Variants in SLC35F3 observed in about 807,000 individuals in gnomAD.
SLC35F3 encodes the protein solute carrier family 35 member F3.
In SLC35F3, 25 loss-of-function variants were observed where a neutral mutation model predicts 49.9. The observed-to-expected ratio is 0.50, with a 90% CI of 0.37 to 0.70. The LOEUF is 0.70. Among genes scored for constraint, SLC35F3 ranks in the 30% least tolerant of loss-of-function variants. The pLI is 0.00. For missense variants in SLC35F3, 525 were observed against 639.8 expected (o/e 0.82, Z 1.94); for synonymous variants, 275 against 265.4 (o/e 1.04, Z -0.35).
In SLC35F3 at chr1:234,192,476, A is replaced by G. The variant is rs555155746; in HGVS notation, c.284-38941A>G. Among the ~76,000 whole-genome samples the G allele has an allele frequency of 7.9e-5, 12 of 152,340 alleles. No individual in the cohort carries two copies. In the South Asian group the frequency reaches 8.3e-4, roughly 11 times the overall value. On this transcript the variant is annotated intron_variant, in intron 2 of 7. Coordinates refer to ENST00000366618, the MANE Select transcript of SLC35F3 (RefSeq NM_173508.4). ...AGTGTAGTAAAAACTGTCTATGACA[A>G]ATCCACAGCCAACATAATACTGAAT...
intron 2 of SLC35F3, among the ~76,000 whole-genome samples, chr1:233,966,053 C>T (rs190361621): frequency 6.6e-6 from 1 of 152,188 alleles, no homozygotes; most frequent in East Asian, 1.9e-4. Flanking sequence ...AGAGAGTGGC[C>T]AAGACCAGCC....
chr1:233,968,630 G>A (rs1420526422), intron 2 of SLC35F3, among the ~76,000 whole-genome samples: 3 of 151,976 alleles, frequency 2.0e-5, no homozygotes, highest in African/African-American at 7.3e-5. Context: ...GATTACAGGT[G>A]CACACCACCA....
intron 3 of SLC35F3, among the ~76,000 whole-genome samples, chr1:234,277,794 A>G (rs1334446394): frequency 1.3e-5 from 2 of 152,210 alleles, no homozygotes; most frequent in African/African-American, 4.8e-5. Flanking sequence ...ATGGTTTTAT[A>G]TTTGTTTTCT....
Position 233,905,034 on chromosome 1 carries a change from C to G in SLC35F3, c.-44C>G, listed in dbSNP as rs562143274. On this transcript the variant is annotated 5_prime_UTR_variant, in exon 1 of 8. Coordinates refer to ENST00000366618, the MANE Select transcript of SLC35F3 (RefSeq NM_173508.4). ...CAGGGAGCTCCGGCCCGCGGCCCCT[C>G]CGCCTCAAGTCTGGGAGCTGCCGGT... 9 of 1,545,322 alleles carry G rather than the reference C, an allele frequency of 5.8e-6. No individual in the cohort carries two copies. The South Asian group carries it at 1.1e-4, about 19-fold the overall frequency.
chr1:234,263,775 C>G lies in SLC35F3; in HGVS notation c.608+32034C>G, dbSNP rs187487207. 2.5e-3 allele frequency among the ~76,000 whole-genome samples: 384 copies of G among 152,290 alleles called. 1 individual carries two copies. The highest frequency in any genetic ancestry group is 4.5e-3 in the Non-Finnish European group (305 of 68,026). ...ACGAGAAAGCTAGGACACTTGTGCT[C>G]AAGGCTGGCTGACATTAGAATCACC... is the stretch of plus-strand genomic sequence containing the variant. On this transcript the variant is annotated intron_variant, in intron 3 of 7. Coordinates refer to ENST00000366618, the MANE Select transcript of SLC35F3 (RefSeq NM_173508.4).
Position 234,241,373 on chromosome 1 carries a change from G to A in SLC35F3, c.608+9632G>A, listed in dbSNP as rs562646895. ...GCTTGTTCCAGTTCTCAGATCCACT[G>A]TTTACACCCCACATGACTTTGGGTA... is the stretch of plus-strand genomic sequence containing the variant. On this transcript the variant is annotated intron_variant, in intron 3 of 7. Coordinates refer to ENST00000366618, the MANE Select transcript of SLC35F3 (RefSeq NM_173508.4). 2.6e-5 allele frequency among the ~76,000 whole-genome samples: 4 copies of A among 152,272 alleles called. No homozygotes were observed. The South Asian group carries it at 8.3e-4, about 32-fold the overall frequency.
intron 3 of SLC35F3, among the ~76,000 whole-genome samples, chr1:234,292,221 T>G (rs6677141): frequency 6.6e-6 from 1 of 152,234 alleles, no homozygotes; most frequent in Non-Finnish European, 1.5e-5. Context: ...TGTGAGGCAG[T>G]TGATCTCTTG....
At chr1:234,117,912 ATGTGTGTGTGTGTGTG>A (rs370186911) in intron 2 of SLC35F3, among the ~76,000 whole-genome samples, 2,983 of 113,912 alleles carry the variant, frequency 0.026, 167 homozygotes, top group African/African-American at 0.054. Context: ...AAGACTATAT[ATGTGTGTGTGTGTGTG>A]TGTGTGTGTG....
intron 2 of SLC35F3, among the ~76,000 whole-genome samples, chr1:233,911,083 TC>T (rs1321496009): frequency 6.6e-6 from 1 of 152,172 alleles, no homozygotes; most frequent in Non-Finnish European, 1.5e-5. Flanking sequence ...TTCAGGATTC[TC>T]CAGGTTTAAA....
intron 2 of SLC35F3, among the ~76,000 whole-genome samples, chr1:234,216,737 G>A (rs772175743): frequency 3.2e-4 from 48 of 152,192 alleles, no homozygotes; most frequent in Non-Finnish European, 6.0e-4. Flanking sequence ...TGTAAATCAC[G>A]AACACAGCCT....
chr1:234,098,523 G>C (rs187549803), intron 2 of SLC35F3, among the ~76,000 whole-genome samples: 53 of 151,452 alleles, frequency 3.5e-4, no homozygotes, highest in African/African-American at 1.3e-3. Context: ...GGTAGTGACT[G>C]TGTTATAGAG....
chr1:234,107,206 A>G (rs943478782), intron 2 of SLC35F3, among the ~76,000 whole-genome samples: 2 of 152,084 alleles, frequency 1.3e-5, no homozygotes, highest in African/African-American at 4.8e-5. Context: ...ACCAAGAGCT[A>G]CCCACCCTGG....
At chr1:234,196,557 T>A (rs1014955620) in intron 2 of SLC35F3, among the ~76,000 whole-genome samples, 2 of 152,206 alleles carry the variant, frequency 1.3e-5, no homozygotes, top group Non-Finnish European at 2.9e-5. Context: ...CATCCTTCTT[T>A]TACTTGTTCA....
intron 3 of SLC35F3, among the ~76,000 whole-genome samples, chr1:234,275,449 A>C (rs1414049717): frequency 1.3e-5 from 2 of 152,160 alleles, no homozygotes; most frequent in Non-Finnish European, 2.9e-5. Context: ...TGAATTCCTT[A>C]TTTTATGTCA....
At chr1:234,162,437 G>A (rs1666243935) in intron 2 of SLC35F3, among the ~76,000 whole-genome samples, 1 of 142,526 alleles carries the variant, frequency 7.0e-6, no homozygotes, top group Non-Finnish European at 1.5e-5. Flanking sequence ...GGTGGAGAGG[G>A]ATTATAAGTG....
chr1:233,960,165 T>G (rs1228466711), intron 2 of SLC35F3, among the ~76,000 whole-genome samples: 1 of 152,172 alleles, frequency 6.6e-6, no homozygotes, highest in African/African-American at 2.4e-5. Context: ...TTGCGCAATA[T>G]GCCAATTGGT....
intron 2 of SLC35F3, among the ~76,000 whole-genome samples, chr1:234,043,316 C>A (rs1050775949): frequency 2.0e-5 from 3 of 152,060 alleles, no homozygotes; most frequent in Non-Finnish European, 4.4e-5. Context: ...TGTTAATGCT[C>A]ATTATAACTA....
At chr1:233,949,136 G>A (rs1662563885) in intron 2 of SLC35F3, among the ~76,000 whole-genome samples, 1 of 152,076 alleles carries the variant, frequency 6.6e-6, no homozygotes, top group African/African-American at 2.4e-5. Flanking sequence ...GGATCACTGG[G>A]CTTGTTCTCC....
intron 2 of SLC35F3, among the ~76,000 whole-genome samples, chr1:234,108,278 ATAT>A (rs1196640753): frequency 8.5e-5 from 4 of 47,082 alleles, no homozygotes; most frequent in African/African-American, 1.6e-4. Flanking sequence ...TAAAAGATAT[ATAT>A]TATTTATATA....
Sources: gnomAD v4.1 joint callset for allele counts (sites outside exome capture counted in the v4.1 genomes callset) on GRCh38, gnomAD v4.1.1 for gene constraint, MANE v1.5 for transcripts, NCBI Gene and HGNC (gene_info 2026-07-23, HGNC 2026-07-21) for gene names.